Variants in SPACA6 observed in about 807,000 individuals in gnomAD.
SPACA6 encodes the protein sperm acrosome associated 6.
For missense variants in SPACA6, 8 were observed against 2.8 expected, an observed-to-expected ratio of 2.88 and a Z score of -1.34; for synonymous variants, 6 against 1.5, an observed-to-expected ratio of 4.05 and a Z score of -2.21.
downstream of SPACA6, among the ~76,000 whole-genome samples, chr19:51,709,326 TG>T (rs2083530943): frequency 2.0e-5 from 3 of 151,624 alleles, no homozygotes; most frequent in South Asian, 6.2e-4. Flanking sequence ...AAGACCAGCC[TG>T]GCCAACATGG....
At chr19:51,711,821 C>G (rs970269630) in intron 2 of SPACA6, among the ~76,000 whole-genome samples, 5 of 152,042 alleles carry the variant, frequency 3.3e-5, no homozygotes, top group African/African-American at 1.2e-4. Flanking sequence ...TATGAAATAG[C>G]CAGAATAGGT....
chr19:51,704,300 A>G lies in SPACA6; in HGVS notation c.761A>G (p.Glu254Gly), dbSNP rs1204069339. 2 of 400,526 alleles carry G rather than the reference A, an allele frequency of 5.0e-6. No homozygotes were observed. The highest frequency in any genetic ancestry group is 4.4e-6 in the Non-Finnish European group (1 of 226,014). 24.8% of individuals were successfully genotyped at this position (400,526 alleles called of 1,614,324 possible). ...VTGPPPRAET[E>G]LQASFREVLR... The stretch of plus-strand genomic sequence containing the variant: ...GGCCCGCCCCCGCGGGCGGAGACAG[A>G]GTTGCAGGCCTCGTTCCGGGAAGTG... The change falls in exon 8 of 9, where the codon GAG becomes GGG. Residue 254 changes from glutamate (E) to glycine (G), a missense_variant. Coordinates refer to ENST00000637797, the MANE Select transcript of SPACA6 (RefSeq NM_001316972.2).
chr19:51,690,824 C>G (rs1398120541), upstream of SPACA6, among the ~76,000 whole-genome samples: 1 of 151,944 alleles, frequency 6.6e-6, no homozygotes, highest in African/African-American at 2.4e-5. Context: ...GGCTTCCCCT[C>G]TCCCCTCACC....
chr19:51,705,885 C>A (rs553243891), downstream of SPACA6, among the ~76,000 whole-genome samples: 5 of 152,166 alleles, frequency 3.3e-5, no homozygotes, highest in South Asian at 1.0e-3. Flanking sequence ...TTAGTAGAGA[C>A]AGGGTTTCAC....
upstream of SPACA6, among the ~76,000 whole-genome samples, chr19:51,691,573 CAGAG>C (rs2083373248): frequency 6.6e-6 from 1 of 151,092 alleles, no homozygotes. Context: ...AGGCGATGGG[CAGAG>C]AGAGAAGCCA....
downstream of SPACA6, among the ~76,000 whole-genome samples, chr19:51,708,552 C>T (rs1434285749): frequency 2.0e-5 from 3 of 151,990 alleles, no homozygotes; most frequent in African/African-American, 7.3e-5. Context: ...GGTGGCCAGG[C>T]GAGGTGACTC....
At chr19:51,689,264 G>A (rs1399551188), upstream of SPACA6, 1 of 152,040 alleles carries the variant, frequency 6.6e-6, no homozygotes, top group Non-Finnish European at 1.5e-5. Context: ...CAGGGGGGAA[G>A]CCAGGCCGGA....
At chr19:51,712,452 G>A (rs185728157), downstream of SPACA6, 3 of 152,284 alleles carry the variant, frequency 2.0e-5, no homozygotes, top group Admixed American at 6.5e-5. Flanking sequence ...TCAAGAGTGG[G>A]GGTCTTAAAA....
At chr19:51,705,889 G>T (rs1471272265), downstream of SPACA6, among the ~76,000 whole-genome samples, 2 of 152,010 alleles carry the variant, frequency 1.3e-5, no homozygotes, top group African/African-American at 4.8e-5. Flanking sequence ...TAGAGACAGG[G>T]TTTCACCATG....
downstream of SPACA6, among the ~76,000 whole-genome samples, chr19:51,712,870 G>A (rs993914066): frequency 1.3e-5 from 2 of 152,190 alleles, no homozygotes; most frequent in Non-Finnish European, 2.9e-5. Context: ...TGCAGTACCT[G>A]CCAGTGTGCG....
At chr19:51,705,579 T>A (rs1207077409), downstream of SPACA6, among the ~76,000 whole-genome samples, 1 of 152,048 alleles carries the variant, frequency 6.6e-6, no homozygotes, top group African/African-American at 2.4e-5. Flanking sequence ...TGAAGCTGCC[T>A]TCTCTGTGGT....
At chr19:51,692,504 G>A (rs940171503), upstream of SPACA6, 15 of 424,204 alleles carry the variant, frequency 3.5e-5, no homozygotes, top group African/African-American at 3.2e-4. The surrounding 1 kb of genome is among the most constrained non-coding windows in gnomAD (Gnocchi z 5.6). Context: ...TTAGGGAGGA[G>A]GGGGATGAGA....
Position 51,703,119 on chromosome 19 carries a change from G to A in SPACA6, c.463+21G>A. The A allele has an allele frequency of 2.5e-6, 1 of 399,462 alleles. No homozygotes were observed. The highest frequency in any genetic ancestry group is 4.4e-6 in the Non-Finnish European group (1 of 226,428). 24.7% of individuals were successfully genotyped at this position (399,462 alleles called of 1,614,324 possible). A position where few individuals can be genotyped will look rare whatever the true frequency, so the allele number is the denominator to read the frequency against. ...CCCAGGTGAGGGGGCGGGGCCTCGG[G>A]GTGCAGGAGGCCAACCTGAGAAAAG... On this transcript the variant is annotated intron_variant, in intron 5 of 8. Coordinates refer to ENST00000637797, the MANE Select transcript of SPACA6 (RefSeq NM_001316972.2). The surrounding 1 kb of genome is among the most constrained non-coding windows in gnomAD (Gnocchi z 4.2).
At chr19:51,707,224 C>T (rs1284866387), downstream of SPACA6, among the ~76,000 whole-genome samples, 1 of 140,478 alleles carries the variant, frequency 7.1e-6, no homozygotes, top group East Asian at 2.1e-4. Flanking sequence ...CTGTTTCTCT[C>T]TCTCCCTTTT....
chr19:51,711,273 G>A (rs2083540087), intron 2 of SPACA6, among the ~76,000 whole-genome samples: 1 of 152,096 alleles, frequency 6.6e-6, no homozygotes, highest in Admixed American at 6.6e-5. Flanking sequence ...GATTGGCTTG[G>A]GTTTAAGAGT....
downstream of SPACA6, chr19:51,713,069 AATC>A (rs992789689): frequency 9.4e-6 from 2 of 212,814 alleles, no homozygotes; most frequent in African/African-American, 4.6e-5. The surrounding 1 kb of genome is among the most constrained non-coding windows in gnomAD (Gnocchi z 4.5). Context: ...CCCAATTCTC[AATC>A]ATCCATTCCC....
chr19:51,683,795 C>G, the SPACA6 span, among the ~76,000 whole-genome samples: 4 of 152,264 alleles, frequency 2.6e-5, no homozygotes, highest in African/African-American at 9.6e-5. Flanking sequence ...TATTATTACA[C>G]CCATTTTACT....
upstream of SPACA6, among the ~76,000 whole-genome samples, chr19:51,689,898 G>T (rs1470420032): frequency 6.6e-6 from 1 of 151,514 alleles, no homozygotes; most frequent in Non-Finnish European, 1.5e-5. Context: ...GGAGGTGGAG[G>T]AAGACTGGCT....
At chr19:51,707,745 G>A (rs1310773099), downstream of SPACA6, among the ~76,000 whole-genome samples, 1 of 152,226 alleles carries the variant, frequency 6.6e-6, no homozygotes, top group Non-Finnish European at 1.5e-5. Context: ...TCGCAAGCCA[G>A]GGGCTCCTGC....
Sources: gnomAD v4.1 joint callset for allele counts (sites outside exome capture counted in the v4.1 genomes callset) on GRCh38, gnomAD v4.1.1 for gene constraint, Gnocchi (gnomAD v3.1) non-coding constraint, MANE v1.5 for transcripts, NCBI Gene and HGNC (gene_info 2026-07-23, HGNC 2026-07-21) for gene names.